The following PKD1 variants were observed in gnomAD, a reference collection of about 807,000 sequenced individuals.
PKD1 encodes the protein polycystin 1, transient receptor potential channel interacting.
Under a neutral mutation model 361.7 loss-of-function variants are expected in PKD1, and 81 were observed. The observed-to-expected ratio is 0.22, with a 90% CI of 0.19 to 0.27. The LOEUF (loss-of-function observed/expected upper bound fraction) is 0.27, where lower values mean the gene tolerates loss of function less well. Among genes scored for constraint, PKD1 ranks in the 10% least tolerant of loss-of-function variants. The pLI, the probability that PKD1 is intolerant of heterozygous loss-of-function variation, is 1.00. For synonymous variants in PKD1, 3,615 were observed against 2,818.3 expected (o/e 1.28, Z -8.95); for missense variants, 6,399 against 6,118.3 (o/e 1.05, Z -1.53).
chr16:2,114,394 G>T lies in PKD1; in HGVS notation c.2629C>A (p.Leu877Met), dbSNP rs758601120. Residue 877 changes from leucine (L) to methionine (M), a missense_variant, in exon 11 of 46, where the codon CTG becomes ATG. Physicochemically the swap from Leu to Met is conservative, Grantham distance 15 (BLOSUM62 2). Transcript: ENST00000262304. ...SARFENVCPA[L>M]VATFVPGCPW... ...CAGCCGGGCACGAAGGTGGCCACCA[G>T]GGCAGGGCAGACATTCTCAAAGCGG... 8 of 1,607,410 alleles carry T rather than the reference G, an allele frequency of 5.0e-6. No individual in the cohort carries two copies. Among genetic ancestry groups the T allele is most frequent in the Non-Finnish European group, 5.9e-6 (7 of 1,179,630 alleles).
intron 1 of PKD1, among the ~76,000 whole-genome samples, chr16:2,130,794 G>C (rs1173893965): frequency 6.6e-6 from 1 of 152,238 alleles, no homozygotes; most frequent in Non-Finnish European, 1.5e-5. Context: ...GTCATTCAGG[G>C]ATGCAGGTGG....
At chr16:2,115,312 C>G (rs2092613162) in intron 10 of PKD1, 66 bp downstream of exon 10, 1 of 1,410,926 alleles carries the variant, frequency 7.1e-7, no homozygotes, top group African/African-American at 1.4e-5. Context: ...GACCCAGACC[C>G]TGGGCAGCAG....
At chr16:2,131,081 C>G (rs2432387) in intron 1 of PKD1, among the ~76,000 whole-genome samples, 8 of 152,208 alleles carry the variant, frequency 5.3e-5, no homozygotes, top group Non-Finnish European at 1.2e-4. Flanking sequence ...AAACACAAAG[C>G]ACACACTCAC....
rs1475692614 is a variant in PKD1 at position 2,092,132 on chromosome 16, A to C, written c.11326T>G (p.Phe3776Val). ...CCAACGTCGTAATCGCTGGTGCTGAAGCCTCCTGCGGCCGAGCACGTGTGG... is the reference window on the plus strand; with the variant it reads ...CCAACGTCGTAATCGCTGGTGCTGACGCCTCCTGCGGCCGAGCACGTGTGG... ...RVHTCSAAGG[F>V]STSDYDVGWE... Residue 3776 changes from phenylalanine to valine, a missense_variant, in exon 40 of 46, where the codon TTC (phenylalanine) becomes GTC (valine). Coordinates refer to ENST00000262304, the MANE Select transcript of PKD1 (RefSeq NM_001009944.3). The C allele has an allele frequency of 6.2e-7, 1 of 1,612,650 alleles. No homozygotes were observed. Among genetic ancestry groups the C allele is most frequent in the Admixed American group, 1.7e-5 (1 of 60,004 alleles).
At chr16:2,122,019 C>T (rs375693286) in intron 1 of PKD1, among the ~76,000 whole-genome samples, 1 of 152,258 alleles carries the variant, frequency 6.6e-6, no homozygotes, top group Non-Finnish European at 1.5e-5. Context: ...GGAGCCTACC[C>T]GGCGCAGGAG....
intron 1 of PKD1, among the ~76,000 whole-genome samples, chr16:2,131,153 G>T (rs989462481): frequency 3.3e-5 from 5 of 152,178 alleles, no homozygotes; most frequent in African/African-American, 1.2e-4. Context: ...AATCCAGGCT[G>T]CAGGAGCCAG....
At position 2,111,483 on chromosome 16, in the gene PKD1, G is replaced by C. The variant is rs781384791; in HGVS notation, c.3684C>G (p.Pro1228=). ...DMSLAVEQGA[P]VVVSAAVQTG... ...TCTGCACCGCGGCGCTGACCACCAC[G>C]GGGGCGCCCTGCTCCACGGCCAGGC... The change falls in exon 15 of 46, where the codon CCC becomes CCG. Residue 1228 remains proline, a synonymous_variant. Transcript: ENST00000262304. The C allele has an allele frequency of 8.1e-6, 13 of 1,611,314 alleles. No homozygotes were observed. Among genetic ancestry groups the C allele is most frequent in the East Asian group, 2.2e-5 (1 of 44,856 alleles).
At chr16:2,098,291 C>T (rs1567166634) in intron 30 of PKD1, 1 of 447,644 alleles carries the variant, frequency 2.2e-6, no homozygotes, top group Non-Finnish European at 4.1e-6. Context: ...TCACTGCAAC[C>T]TCCACCTCCC....
rs1343320685 is a variant in PKD1 at position 2,094,120 on chromosome 16, C to A, written c.10590G>T (p.Gln3530His). The A allele has an allele frequency of 1.1e-5, 17 of 1,593,704 alleles. No homozygotes were observed. Among genetic ancestry groups the A allele is most frequent in the South Asian group, 5.6e-5 (5 of 88,534 alleles). ...GPPSPGLNWEQPQAARLSRTG... is the reference protein window; with the variant it reads ...GPPSPGLNWEHPQAARLSRTG... ...TCCTGGACAGCCTCGCTGCCTGGGGCTGTTCCCAGTTCAGGCCTGGGCTGG... is the reference window on the plus strand; with the variant it reads ...TCCTGGACAGCCTCGCTGCCTGGGGATGTTCCCAGTTCAGGCCTGGGCTGG... Residue 3530 changes from glutamine to histidine, a missense_variant, in exon 35 of 46, where the codon CAG becomes CAT. Gln to His is a conservative substitution (Grantham distance 24, BLOSUM62 0). Transcript: ENST00000262304.
At chr16:2,107,815 G>C in intron 16 of PKD1, 68 bp downstream of exon 16, 1 of 1,475,638 alleles carries the variant, frequency 6.8e-7, no homozygotes, top group South Asian at 1.2e-5. Context: ...CTAAAACACG[G>C]AAAACAGTAG....
intron 1 of PKD1, among the ~76,000 whole-genome samples, chr16:2,132,118 C>T (rs1243939712): frequency 6.6e-6 from 1 of 151,698 alleles, no homozygotes; most frequent in African/African-American, 2.4e-5. Flanking sequence ...GGCATGGTGG[C>T]ACATGCCTGT....
chr16:2,112,966 G>A lies in PKD1; in HGVS notation c.2986-3C>T. ...CTCACGTGGTTGGAGGCCGTCAGCT[G>A]CAGGGACAGGCGTCAGTGAGCCCAG... On this transcript the variant is annotated splice_polypyrimidine_tract_variant and splice_region_variant and intron_variant, in intron 12 of 45. Coordinates refer to ENST00000262304, the MANE Select transcript of PKD1 (RefSeq NM_001009944.3). 1.3e-6 allele frequency: 2 copies of A among 1,598,110 alleles called. No individual in the cohort carries two copies. The highest frequency in any genetic ancestry group is 1.3e-5 in the African/African-American group (1 of 74,976).
At position 2,118,580 on chromosome 16, in the gene PKD1, C is replaced by A. The variant is rs561066327; in HGVS notation, c.529+96G>T. On this transcript the variant is annotated intron_variant, in intron 4 of 45. Coordinates refer to ENST00000262304, the MANE Select transcript of PKD1 (RefSeq NM_001009944.3). This position sits in a 1 kb window ranked among gnomAD's most constrained non-coding sequence, Gnocchi z 6.0. ...CTGTTCCCTTGGCCCGGAGGCCCCCCCCAGAGAGGCCTTCCTGAGCCCTGC... is the reference window on the plus strand; with the variant it reads ...CTGTTCCCTTGGCCCGGAGGCCCCCACCAGAGAGGCCTTCCTGAGCCCTGC... 9.5e-4 allele frequency: 734 copies of A among 772,758 alleles called. 5 individuals are homozygous for A. The highest frequency in any genetic ancestry group is 6.4e-3 in the East Asian group (241 of 37,594). 47.9% of individuals were successfully genotyped at this position (772,758 alleles called of 1,614,324 possible).
chr16:2,127,268 C>T (rs748646061), intron 1 of PKD1, among the ~76,000 whole-genome samples: 9 of 152,236 alleles, frequency 5.9e-5, no homozygotes, highest in African/African-American at 9.6e-5. Flanking sequence ...GGAGTGAGGA[C>T]GGTACTCGCG....
At chr16:2,103,240 G>C in intron 23 of PKD1, 26 bp downstream of exon 23, 4 of 1,607,210 alleles carry the variant, frequency 2.5e-6, no homozygotes, top group Non-Finnish European at 3.4e-6. Context: ...CCAGGGGGCC[G>C]CGTGTGCCCC....
Position 2,110,072 on chromosome 16 carries a change from C to T in PKD1, c.5095G>A (p.Ala1699Thr), listed in dbSNP as rs1381727097. The T allele has an allele frequency of 1.9e-6, 3 of 1,609,932 alleles. No individual in the cohort carries two copies. The highest frequency in any genetic ancestry group is 1.3e-5 in the African/African-American group (1 of 74,976). The change falls in exon 15 of 46, where the codon GCC (alanine) becomes ACC (threonine). Residue 1699 changes from alanine (A) to threonine (T), a missense_variant. By Grantham distance (58) the Ala-to-Thr change is moderately conservative. Transcript: ENST00000262304. ...EAGTYHVQLRATNMLGSAWAD... is the reference protein window; with the variant it reads ...EAGTYHVQLRTTNMLGSAWAD... ...CAGGCGCTGCCCAGCATGTTGGTGG[C>T]CCGCAGCTGCACATGGTAGGTGCCG...
intron 1 of PKD1, among the ~76,000 whole-genome samples, chr16:2,128,725 G>A (rs1401475414): frequency 2.6e-5 from 4 of 152,280 alleles, no homozygotes; most frequent in Admixed American, 1.3e-4. Context: ...TTCTTTTTGA[G>A]ACAGAGTTTC....
At position 2,119,131 on chromosome 16, in the gene PKD1, T is replaced by C. The variant is rs1286022231; in HGVS notation, c.342A>G (p.Leu114=). ...CAACTTACATTTCACTTAAATTAAA[T>C]AAATTAGCAAATATTCCTTCTTCTA... ...STLEEGIFAN[L]FNLSEINLSG... The change falls in exon 3 of 46, where the codon TTA becomes TTG. Residue 114 remains leucine, a synonymous_variant. Transcript: ENST00000262304. The C allele has an allele frequency of 3.6e-5, 48 of 1,318,282 alleles. No individual in the cohort carries two copies. The highest frequency in any genetic ancestry group is 4.9e-5 in the Non-Finnish European group (46 of 931,330). The allele number at this position is 1,318,282 out of a possible 1,614,324, so 81.7% of individuals were successfully genotyped here. A position where few individuals can be genotyped will look rare whatever the true frequency, so the allele number is the denominator to read the frequency against.
intron 34 of PKD1, among the ~76,000 whole-genome samples, chr16:2,095,825 C>A (rs937744456): frequency 6.6e-6 from 1 of 152,206 alleles, no homozygotes; most frequent in Non-Finnish European, 1.5e-5. Context: ...CCCGCGGAAG[C>A]ACTGAATCTG....
Sources: allele counts gnomAD v4.1 joint callset (sites outside exome capture counted in the v4.1 genomes callset), GRCh38; gene constraint gnomAD v4.1.1; non-coding constraint Gnocchi (gnomAD v3.1); transcripts MANE v1.5; gene names NCBI Gene and HGNC (gene_info 2026-07-23, HGNC 2026-07-21).